Variants in SPG21 observed in about 807,000 individuals in gnomAD.
The protein encoded by SPG21 is SPG21 abhydrolase domain containing, maspardin.
In SPG21, 26 loss-of-function variants were observed where a neutral mutation model predicts 38.9. The observed-to-expected ratio is 0.67, with a 90% confidence interval of 0.49 to 0.93. The LOEUF is 0.93. Among genes scored for constraint, SPG21 ranks in the 40% least tolerant of loss-of-function variants. The pLI is 0.00. For missense variants in SPG21, 333 were observed against 376.5 expected (o/e 0.88, Z 0.96); for synonymous variants, 136 against 128.9 (o/e 1.05, Z -0.37).
rs943751413 is a variant in SPG21, at chr15:64,980,963, G to C, written c.126C>G (p.Ile42Met). Reference protein sequence around the residue: ...WSLYDAGPRSIRCPLIFLPPV... With the variant: ...WSLYDAGPRSMRCPLIFLPPV... ...GGGGCAGGAATATGAGAGGACACCT[G>C]ATACTTCGGGGGCCCGCGTCATAGA... The change falls in exon 3 of 9, where the codon ATC (isoleucine) becomes ATG (methionine). Residue 42 changes from isoleucine to methionine, a missense_variant. By Grantham distance (10) the Ile-to-Met change is conservative. Transcript: ENST00000204566. 1 of 1,614,134 alleles carries C rather than the reference G, an allele frequency of 6.2e-7. No individual in the cohort carries two copies. The highest frequency in any genetic ancestry group is 1.1e-5 in the South Asian group (1 of 91,086).
At chr15:64,968,158 G>A (rs923948861) in intron 7 of SPG21, among the ~76,000 whole-genome samples, 19 of 152,010 alleles carry the variant, frequency 1.2e-4, no homozygotes, top group African/African-American at 4.6e-4. Context: ...GTCCAGCATG[G>A]GCAACATGGT....
chr15:64,964,995 T>C (rs1043588702), intron 8 of SPG21, among the ~76,000 whole-genome samples: 3 of 152,126 alleles, frequency 2.0e-5, no homozygotes, highest in African/African-American at 7.2e-5. Flanking sequence ...ATTGACCCCA[T>C]TTAGGTCTGG....
At chr15:64,974,954 A>G (rs151286082) in intron 4 of SPG21, among the ~76,000 whole-genome samples, 1 of 152,286 alleles carries the variant, frequency 6.6e-6, no homozygotes, top group East Asian at 1.9e-4. Context: ...TTGGCATCCA[A>G]GTTATATAAT....
At chr15:64,983,683 T>G (rs1376906719) in intron 1 of SPG21, 90 bp from the exon 2 acceptor site, 6 of 836,876 alleles carry the variant, frequency 7.2e-6, no homozygotes, top group Non-Finnish European at 2.0e-6. Flanking sequence ...ACCAACAATA[T>G]TTTAAAGAAG....
rs369957508 is a variant in SPG21 at position 64,965,394 on chromosome 15, G to A, written c.736C>T (p.Arg246Ter). 27 of 1,614,072 alleles carry A rather than the reference G, an allele frequency of 1.7e-5. No homozygotes were observed. The highest frequency in any genetic ancestry group is 2.1e-5 in the Non-Finnish European group (25 of 1,180,024). ...CCTCCTGTTTTCAGATGAGCTCTTC[G>A]GGCATTAGGATACAGCTTGTACATT... ...EEMYKLYPNA[R>*]RAHLKTGGNF... The change falls in exon 8 of 9, where the codon CGA becomes TGA. Residue 246 changes from arginine to a stop codon, truncating the protein, a stop_gained. Coordinates refer to ENST00000204566, the MANE Select transcript of SPG21 (RefSeq NM_016630.7). LOFTEE classifies it high-confidence loss of function.
intron 3 of SPG21, among the ~76,000 whole-genome samples, chr15:64,979,559 A>T (rs1482860459): frequency 6.6e-6 from 1 of 152,178 alleles, no homozygotes; most frequent in Non-Finnish European, 1.5e-5. Context: ...AGTGATGATA[A>T]CTGTTTTCTC....
At chr15:64,987,872 T>C (rs1352567828) in intron 1 of SPG21, among the ~76,000 whole-genome samples, 1 of 152,074 alleles carries the variant, frequency 6.6e-6, no homozygotes, top group East Asian at 1.9e-4. Context: ...CCGTCTCTAC[T>C]AAAAATACAA....
Position 64,982,000 on chromosome 15 carries a change from A to G in SPG21, c.64-975T>C, listed in dbSNP as rs142229854. On this transcript the variant is annotated intron_variant, in intron 2 of 8. Coordinates refer to ENST00000204566, the MANE Select transcript of SPG21 (RefSeq NM_016630.7). ...AACCAGGGTCACTGGCATCACTAGG[A>G]GCAGATAAATGGAGCAAGGCAAAGT... Among the ~76,000 whole-genome samples, 39 of 152,274 alleles carry G rather than the reference A, an allele frequency of 2.6e-4. No homozygotes were observed. In the East Asian group the frequency reaches 7.1e-3, roughly 28 times the overall value.
intron 6 of SPG21, 49 bp from the exon 7 acceptor site, chr15:64,969,411 C>A: frequency 1.6e-6 from 2 of 1,286,458 alleles, no homozygotes; most frequent in Non-Finnish European, 2.3e-6. Context: ...TTGTTTTTCA[C>A]ATTTACATTA....
intron 1 of SPG21, among the ~76,000 whole-genome samples, chr15:64,988,080 G>A (rs1447518663): frequency 6.6e-6 from 1 of 151,590 alleles, no homozygotes; most frequent in Non-Finnish European, 1.5e-5. Flanking sequence ...AAATTAGCTG[G>A]GCGCGGTGAT....
At chr15:64,965,917 G>C (rs1441245327) in intron 7 of SPG21, among the ~76,000 whole-genome samples, 2 of 152,028 alleles carry the variant, frequency 1.3e-5, no homozygotes, top group Non-Finnish European at 2.9e-5. Context: ...GGCCAGGCTG[G>C]TCTCAAACTC....
intron 4 of SPG21, 119 bp from the exon 5 acceptor site, chr15:64,974,866 A>C: frequency 8.8e-7 from 1 of 1,131,162 alleles, no homozygotes; most frequent in Admixed American, 2.0e-5. Flanking sequence ...CCAATAGACT[A>C]AAATATTTAC....
At chr15:64,966,743 C>CA (rs1280232010) in intron 7 of SPG21, among the ~76,000 whole-genome samples, 1 of 151,932 alleles carries the variant, frequency 6.6e-6, no homozygotes, top group Non-Finnish European at 1.5e-5. Context: ...ACTAAAAATA[C>CA]AAAAAATTAG....
intron 8 of SPG21, 138 bp downstream of exon 8, chr15:64,965,182 A>C: frequency 8.5e-7 from 1 of 1,170,966 alleles, no homozygotes; most frequent in Non-Finnish European, 1.2e-6. Flanking sequence ...AATGTAAACC[A>C]CTTTTATCAA....
intron 8 of SPG21, among the ~76,000 whole-genome samples, chr15:64,965,017 G>A (rs2085515129): frequency 6.6e-6 from 1 of 152,132 alleles, no homozygotes; most frequent in Non-Finnish European, 1.5e-5. Flanking sequence ...GTCTTGCTCT[G>A]ATGGAATTCA....
intron 1 of SPG21, among the ~76,000 whole-genome samples, chr15:64,986,680 AAAAACAAAAC>A (rs5813336): frequency 0.028 from 4,144 of 148,850 alleles, 104 homozygotes; most frequent in South Asian, 0.13. Flanking sequence ...AGTCTGTCTC[AAAAACAAAAC>A]AAAACAAAAC....
intron 8 of SPG21, among the ~76,000 whole-genome samples, chr15:64,964,220 A>T (rs2140403364): frequency 6.6e-6 from 1 of 152,314 alleles, no homozygotes; most frequent in East Asian, 1.9e-4. Flanking sequence ...TTTTGAAACC[A>T]CATTTGGGAT....
chr15:64,978,555 T>C (rs2085828612), intron 3 of SPG21, among the ~76,000 whole-genome samples: 2 of 152,210 alleles, frequency 1.3e-5, no homozygotes, highest in African/African-American at 4.8e-5. Context: ...CTGGAATGGA[T>C]ACTGCCATAT....
chr15:64,969,731 G>A (rs2085623120), intron 6 of SPG21, among the ~76,000 whole-genome samples: 2 of 145,992 alleles, frequency 1.4e-5, no homozygotes, highest in African/African-American at 5.1e-5. Context: ...GATCTTAAAA[G>A]AGATTTGAGA....
Sources: gnomAD v4.1 joint callset for allele counts (sites outside exome capture counted in the v4.1 genomes callset) on GRCh38, gnomAD v4.1.1 for gene constraint, MANE v1.5 for transcripts, NCBI Gene and HGNC (gene_info 2026-07-23, HGNC 2026-07-21) for gene names.